The following EDA2R variants were observed in gnomAD, a reference collection of about 807,000 sequenced individuals.
EDA2R encodes the protein tumor necrosis factor receptor superfamily member 27.
Under a neutral mutation model 20.1 loss-of-function variants are expected in EDA2R, and 26 were observed. That is an observed-to-expected ratio of 1.30 (90% CI 0.95 to 1.80). The LOEUF is 1.80. Ranked by LOEUF, EDA2R falls within the 40% of genes most tolerant of loss-of-function variation. The pLI is 0.00. For missense variants in EDA2R, 277 were observed against 228.7 expected, an observed-to-expected ratio of 1.21 and a Z score of -1.36; for synonymous variants, 114 against 88.7, an observed-to-expected ratio of 1.29 and a Z score of -1.60.
At chrX:66,629,119 A>G (rs1439713448) in intron 1 of EDA2R, among the ~76,000 whole-genome samples, 1 of 112,088 alleles carries the variant, frequency 8.9e-6, no homozygotes, top group Non-Finnish European at 1.9e-5. Flanking sequence ...ATGAAGAAAA[A>G]GCATTCAACA....
At chrX:66,620,919 G>GAATGAA (rs1459520798) in intron 1 of EDA2R, among the ~76,000 whole-genome samples, 1 of 75,770 alleles carries the variant, frequency 1.3e-5, no homozygotes, top group Non-Finnish European at 2.6e-5. Flanking sequence ...GCAACAAAGG[G>GAATGAA]AATGAAAATG....
chrX:66,637,822 G>T (rs941244809), intron 1 of EDA2R, among the ~76,000 whole-genome samples: 2 of 111,827 alleles, frequency 1.8e-5, no homozygotes, highest in Non-Finnish European at 3.8e-5. Context: ...GCCCCATGAG[G>T]TGGGTGCTAT....
intron 1 of EDA2R, among the ~76,000 whole-genome samples, chrX:66,635,560 G>A (rs1934240125): frequency 8.9e-6 from 1 of 112,470 alleles, no homozygotes; most frequent in Non-Finnish European, 1.9e-5. Flanking sequence ...CTCTCAAAGA[G>A]GGAATAACTG....
chrX:66,624,868 AAC>A (rs1465169483), intron 1 of EDA2R, among the ~76,000 whole-genome samples: 1 of 112,303 alleles, frequency 8.9e-6, no homozygotes, highest in Non-Finnish European at 1.9e-5. Flanking sequence ...TCCATTCCTT[AAC>A]ACACACCCAC....
intron 6 of EDA2R, 30 bp downstream of exon 6, chrX:66,599,444 G>GTT (rs11379040): frequency 5.9e-5 from 65 of 1,092,788 alleles, no homozygotes; most frequent in South Asian, 2.9e-4. Flanking sequence ...TGCTTTTTTT[G>GTT]TTTTTTTCTG....
chrX:66,616,544 C>G (rs997071115), intron 1 of EDA2R, among the ~76,000 whole-genome samples: 1 of 112,514 alleles, frequency 8.9e-6, no homozygotes, highest in African/African-American at 3.2e-5. Context: ...TATTTTATAA[C>G]TGAAAAAGCT....
rs1033498190 is a variant in EDA2R, at chrX:66,597,000, T to C, written c.*1104A>G. On this transcript the variant is annotated 3_prime_UTR_variant, in exon 7 of 7. Coordinates refer to ENST00000374719, the MANE Select transcript of EDA2R (RefSeq NM_021783.5). ...TTTGTAGATGGATGAACCCAAAAGA[T>C]GTAGTTAATAAAATTCTAAAAGCAA... The C allele has an allele frequency of 8.9e-6, 1 of 112,813 alleles. No individual in the cohort carries two copies. The highest frequency in any genetic ancestry group is 3.2e-5 in the African/African-American group (1 of 31,150). The allele number at this position is 112,813 out of a possible 1,213,427, so 9.3% of individuals were successfully genotyped here.
intron 1 of EDA2R, among the ~76,000 whole-genome samples, chrX:66,626,288 A>T (rs1049575010): frequency 8.9e-6 from 1 of 111,873 alleles, no homozygotes. Context: ...TGAAGGGAGA[A>T]ATATTCAAGG....
chrX:66,602,418 T>G (rs1293883884), intron 5 of EDA2R, among the ~76,000 whole-genome samples: 2 of 110,807 alleles, frequency 1.8e-5, no homozygotes, highest in African/African-American at 6.6e-5. Flanking sequence ...ATGAACCAGG[T>G]CTTCTAAACT....
intron 1 of EDA2R, among the ~76,000 whole-genome samples, chrX:66,624,865 C>A (rs1475141973): frequency 1.8e-5 from 2 of 112,281 alleles, no homozygotes; most frequent in Non-Finnish European, 3.8e-5. Context: ...TCCTCCATTC[C>A]TTAACACACA....
At chrX:66,604,160 T>C (rs1929195084) in intron 4 of EDA2R, among the ~76,000 whole-genome samples, 1 of 111,869 alleles carries the variant, frequency 8.9e-6, no homozygotes, top group East Asian at 2.8e-4. Context: ...TAGACCTAGA[T>C]ACCCATCACA....
At chrX:66,636,068 A>G (rs1041980036) in intron 1 of EDA2R, among the ~76,000 whole-genome samples, 5 of 110,188 alleles carry the variant, frequency 4.5e-5, no homozygotes, top group African/African-American at 1.7e-4. Flanking sequence ...GTGCCCAGCT[A>G]TTTAAAAAAA....
Position 66,604,456 on chromosome X carries a change from G to C in EDA2R, c.317C>G (p.Pro106Arg), listed in dbSNP as rs774243719. 2 of 1,209,304 alleles carry C rather than the reference G, an allele frequency of 1.7e-6. No individual in the cohort carries two copies. The change falls in exon 4 of 7, where the codon CCG becomes CGG. Residue 106 changes from proline (P) to arginine (R), a missense_variant. Transcript: ENST00000374719. ...IGGLQDQECI[P>R]CTKQTPTSEV... ...AGAGGTGGGGGTCTGCTTCGTGCAC[G>C]GGATGCACTCTTGGTCCTGCAGGCC... is the stretch of plus-strand genomic sequence containing the variant.
intron 4 of EDA2R, 41 bp downstream of exon 4, chrX:66,604,380 A>G (rs767555833): frequency 2.6e-6 from 3 of 1,160,586 alleles, no homozygotes; most frequent in South Asian, 2.0e-5. Context: ...CTGCCACCCA[A>G]TGGGATGAGG....
intron 1 of EDA2R, among the ~76,000 whole-genome samples, chrX:66,634,745 C>T (rs1451352271): frequency 1.8e-5 from 2 of 111,408 alleles, no homozygotes; most frequent in African/African-American, 3.3e-5. Context: ...TTCTCTACTT[C>T]CCATATACGA....
chrX:66,630,177 C>T (rs915563360), intron 1 of EDA2R, among the ~76,000 whole-genome samples: 1 of 111,601 alleles, frequency 9.0e-6, no homozygotes, highest in South Asian at 3.7e-4. Context: ...TCTCACATTA[C>T]ACACAAATCA....
chrX:66,626,027 C>G (rs745830633), intron 1 of EDA2R, among the ~76,000 whole-genome samples: 2 of 111,505 alleles, frequency 1.8e-5, no homozygotes, highest in Non-Finnish European at 1.9e-5. Flanking sequence ...GCCTTCAGCC[C>G]TAGACCTTCC....
At chrX:66,630,870 T>TAC (rs770378745) in intron 1 of EDA2R, among the ~76,000 whole-genome samples, 5 of 108,467 alleles carry the variant, frequency 4.6e-5, no homozygotes, top group Non-Finnish European at 7.7e-5. Context: ...TATATATATA[T>TAC]ACACACACGT....
intron 2 of EDA2R, 93 bp from the exon 3 acceptor site, chrX:66,605,319 G>A: frequency 1.3e-6 from 1 of 772,381 alleles, no homozygotes; most frequent in Non-Finnish European, 1.8e-6. Flanking sequence ...GTAGTATTTT[G>A]CAACTTGCAA....
Sources: allele counts gnomAD v4.1 joint callset (sites outside exome capture counted in the v4.1 genomes callset), GRCh38; gene constraint gnomAD v4.1.1; transcripts MANE v1.5; gene names NCBI Gene and HGNC (gene_info 2026-07-23, HGNC 2026-07-21).